Variants in ZHX3 observed in about 807,000 individuals in gnomAD.
The protein encoded by ZHX3 is zinc fingers and homeoboxes protein 3.
A neutral mutation model predicts 64.5 loss-of-function variants in ZHX3; 20 were observed. The observed-to-expected ratio is 0.31, with a 90% confidence interval of 0.22 to 0.45. The LOEUF (loss-of-function observed/expected upper bound fraction) is 0.45, where lower values mean the gene tolerates loss of function less well. ZHX3 is among the 20% of genes least tolerant of loss of function. ZHX3 has a pLI of 1.00. For missense variants in ZHX3, 1,041 were observed against 1,195.8 expected, an observed-to-expected ratio of 0.87 and a Z score of 1.91; for synonymous variants, 423 against 461.6, an observed-to-expected ratio of 0.92 and a Z score of 1.07.
At chr20:41,217,188 CAA>C (rs1485599084) in intron 2 of ZHX3, among the ~76,000 whole-genome samples, 2 of 151,860 alleles carry the variant, frequency 1.3e-5, no homozygotes, top group African/African-American at 4.8e-5. Context: ...ATGTTACAAA[CAA>C]AAGTCTTAAT....
intron 2 of ZHX3, among the ~76,000 whole-genome samples, chr20:41,216,059 G>C (rs1373611153): frequency 1.3e-5 from 2 of 151,914 alleles, no homozygotes; most frequent in African/African-American, 4.8e-5. Context: ...AAAGAAAAAA[G>C]ATGTAAAGAA....
Position 41,256,115 on chromosome 20 carries a change from G to A in ZHX3, c.-151+12875C>T, listed in dbSNP as rs550507779. On this transcript the variant is annotated intron_variant, in intron 2 of 3. Transcript: ENST00000683867. ...TTTATTTTTACATTTAACTTCAAGG[G>A]AAAAATAAAAAGCAAACTTATTTTG... Among the ~76,000 whole-genome samples the A allele has an allele frequency of 5.3e-5, 8 of 152,210 alleles. No individual in the cohort carries two copies. The South Asian group carries it at 1.7e-3, about 32-fold the overall frequency.
In ZHX3 at chr20:41,225,456, A is replaced by C. The variant is rs563878717; in HGVS notation, c.-150-20390T>G. 2.6e-5 allele frequency among the ~76,000 whole-genome samples: 4 copies of C among 152,308 alleles called. No individual in the cohort carries two copies. The South Asian group carries it at 8.3e-4, about 32-fold the overall frequency. ...TTTCTTTTTAAAAAATTGTGATAAA[A>C]AACACATAACATAAAATTCATTGTC... On this transcript the variant is annotated intron_variant, in intron 2 of 3. Coordinates refer to ENST00000683867, the MANE Select transcript of ZHX3 (RefSeq NM_001384317.1).
At chr20:41,308,111 C>T (rs149472042) in intron 1 of ZHX3, among the ~76,000 whole-genome samples, 2 of 152,316 alleles carry the variant, frequency 1.3e-5, no homozygotes, top group East Asian at 3.9e-4. Context: ...ATATTATCAC[C>T]ATCACACTGA....
chr20:41,244,777 T>G (rs1358668049), intron 2 of ZHX3, among the ~76,000 whole-genome samples: 1 of 152,146 alleles, frequency 6.6e-6, no homozygotes, highest in East Asian at 1.9e-4. Context: ...TTGGGAGGAT[T>G]GGAGAGGAAC....
intron 2 of ZHX3, among the ~76,000 whole-genome samples, chr20:41,266,387 C>A (rs966694751): frequency 6.6e-6 from 1 of 152,102 alleles, no homozygotes; most frequent in African/African-American, 2.4e-5. Context: ...TCCCCCACTG[C>A]AACCTCCAGT....
chr20:41,260,179 T>TG (rs11480309), intron 2 of ZHX3, among the ~76,000 whole-genome samples: 20,307 of 145,794 alleles, frequency 0.14, 1,587 homozygotes, highest in Non-Finnish European at 0.17. Context: ...AAGCCAAATG[T>TG]GAAAAAAAAA....
intron 1 of ZHX3, among the ~76,000 whole-genome samples, chr20:41,280,304 C>T (rs2043611208): frequency 6.6e-6 from 1 of 152,054 alleles, no homozygotes; most frequent in African/African-American, 2.4e-5. Flanking sequence ...TTAGAAATAC[C>T]AATTGCCTGG....
Position 41,203,052 on chromosome 20 carries a change from T to C in ZHX3, c.1865A>G (p.Glu622Gly). ...TPTKYKERAP[E>G]QLRALESSFA... ...ACTGCTCTCCAGGGCTCTGAGCTGC[T>C]CAGGGGCTCTCTCCTTGTATTTGGT... is the stretch of plus-strand genomic sequence containing the variant. Residue 622 changes from glutamate (E) to glycine (G), a missense_variant, in exon 3 of 4, where the codon GAG (glutamate) becomes GGG (glycine). Glu to Gly is a moderately conservative substitution (Grantham distance 98). Around this residue, in one of 4 missense-constraint regions of ZHX3, gnomAD observed 649 missense variants for 739.8 expected, o/e 0.88. Coordinates refer to ENST00000683867, the MANE Select transcript of ZHX3 (RefSeq NM_001384317.1). The surrounding 1 kb of genome is among the most constrained non-coding windows in gnomAD (Gnocchi z 7.1). 6.2e-7 allele frequency: 1 copy of C among 1,614,178 alleles called. No individual in the cohort carries two copies. The highest frequency in any genetic ancestry group is 8.5e-7 in the Non-Finnish European group (1 of 1,180,028).
At chr20:41,256,620 G>A (rs2042266909) in intron 2 of ZHX3, among the ~76,000 whole-genome samples, 2 of 148,596 alleles carry the variant, frequency 1.3e-5, no homozygotes, top group South Asian at 4.4e-4. Context: ...CCCCTTCGGA[G>A]GTTTTCAACC....
At position 41,201,943 on chromosome 20, in the gene ZHX3, G is replaced by C; in HGVS notation, c.2860+114C>G. The C allele has an allele frequency of 7.5e-7, 1 of 1,340,252 alleles. No individual in the cohort carries two copies. The highest frequency in any genetic ancestry group is 9.9e-7 in the Non-Finnish European group (1 of 1,011,714). The allele number at this position is 1,340,252 out of a possible 1,614,324, so 83.0% of individuals were successfully genotyped here. On this transcript the variant is annotated intron_variant, in intron 3 of 3. Transcript: ENST00000683867. This position sits in a 1 kb window ranked among gnomAD's most constrained non-coding sequence, Gnocchi z 5.0. ...AAGCAGCCAGGCGGTTAATGCTGCT[G>C]CCAGGCAGCCTTAGAGACAGCAGAT...
intron 2 of ZHX3, among the ~76,000 whole-genome samples, chr20:41,218,528 G>A (rs956153207): frequency 1.6e-4 from 25 of 152,232 alleles, no homozygotes; most frequent in South Asian, 1.2e-3. Context: ...CTTTTATACC[G>A]TCAGAAGAGG....
At chr20:41,206,704 A>T (rs1025609340) in intron 2 of ZHX3, among the ~76,000 whole-genome samples, 2 of 152,240 alleles carry the variant, frequency 1.3e-5, no homozygotes, top group African/African-American at 4.8e-5. Flanking sequence ...GGGAGAATGG[A>T]ACCAAGTTGG....
chr20:41,293,890 G>A (rs2044372143), intron 1 of ZHX3, among the ~76,000 whole-genome samples: 1 of 152,192 alleles, frequency 6.6e-6, no homozygotes, highest in South Asian at 2.1e-4. Context: ...TACAGAGAGT[G>A]AAAACCAGAA....
At chr20:41,263,836 T>C (rs1028778186) in intron 2 of ZHX3, among the ~76,000 whole-genome samples, 5 of 152,150 alleles carry the variant, frequency 3.3e-5, no homozygotes, top group African/African-American at 1.2e-4. Context: ...TAACAATGAA[T>C]GGGAAACTGA....
intron 1 of ZHX3, among the ~76,000 whole-genome samples, chr20:41,296,394 C>A (rs765130709): frequency 1.3e-5 from 2 of 151,994 alleles, no homozygotes; most frequent in Admixed American, 1.3e-4. Context: ...CCTGTCACCA[C>A]GGGGATCACC....
chr20:41,203,215 T>C lies in ZHX3; in HGVS notation c.1702A>G (p.Ile568Val), dbSNP rs536280001. ...AAGGACACCTCTGGCACAGAGTCAA[T>C]GATGATGGAACTGTGATCTCCAGGT... ...MIPGDHSSII[I>V]DSVPEVSFSP... Residue 568 changes from isoleucine to valine, a missense_variant, in exon 3 of 4, where the codon ATT becomes GTT. Physicochemically the swap from Ile to Val is conservative, Grantham distance 29 (BLOSUM62 3). Around this residue, in one of 4 missense-constraint regions of ZHX3, gnomAD observed 649 missense variants for 739.8 expected, o/e 0.88. Transcript: ENST00000683867. This position sits in a 1 kb window ranked among gnomAD's most constrained non-coding sequence, Gnocchi z 7.1. 19 of 1,614,076 alleles carry C rather than the reference T, an allele frequency of 1.2e-5. No homozygotes were observed. Among genetic ancestry groups the C allele is most frequent in the Non-Finnish European group, 1.1e-5 (13 of 1,180,002 alleles).
At chr20:41,306,257 C>G (rs1356136663) in intron 1 of ZHX3, among the ~76,000 whole-genome samples, 1 of 152,150 alleles carries the variant, frequency 6.6e-6, no homozygotes. Flanking sequence ...AAAGAAGACA[C>G]GGCTGATTAC....
At chr20:41,291,342 A>T (rs1189003960) in intron 1 of ZHX3, among the ~76,000 whole-genome samples, 4 of 152,256 alleles carry the variant, frequency 2.6e-5, no homozygotes, top group African/African-American at 9.6e-5. Context: ...AGGCAAATTC[A>T]AAATGACACA....
Sources: allele counts gnomAD v4.1 joint callset (sites outside exome capture counted in the v4.1 genomes callset), GRCh38; gene constraint gnomAD v4.1.1; regional missense constraint gnomAD v4.1.1; non-coding constraint Gnocchi (gnomAD v3.1); transcripts MANE v1.5; gene names NCBI Gene and HGNC (gene_info 2026-07-23, HGNC 2026-07-21).